RABGAP1L: variants seen among roughly 807,000 people sequenced by gnomAD.
RABGAP1L encodes rab GTPase-activating protein 1-like.
In RABGAP1L, 63 loss-of-function variants were observed where a neutral mutation model predicts 137.7. The observed-to-expected ratio is 0.46, with a 90% CI of 0.37 to 0.56. The LOEUF (loss-of-function observed/expected upper bound fraction) is 0.56. Among genes scored for constraint, RABGAP1L ranks in the 20% least tolerant of loss-of-function variants. The probability of loss-of-function intolerance (pLI) is 0.00; values close to 1 mark genes in which losing one functional copy is unlikely to be tolerated. For missense variants in RABGAP1L, 1,095 were observed against 1,244.0 expected, an observed-to-expected ratio of 0.88 and a Z score of 1.80; for synonymous variants, 431 against 433.7, an observed-to-expected ratio of 0.99 and a Z score of 0.08.
chr1:174,395,619 T>C (rs372491877), intron 13 of RABGAP1L, among the ~76,000 whole-genome samples: 1 of 152,170 alleles, frequency 6.6e-6, no homozygotes, highest in Non-Finnish European at 1.5e-5. Flanking sequence ...TTAAAACTTA[T>C]ACAAGTAGTT....
chr1:174,727,524 A>G (rs1347129623), intron 17 of RABGAP1L, among the ~76,000 whole-genome samples: 1 of 152,220 alleles, frequency 6.6e-6, no homozygotes, highest in African/African-American at 2.4e-5. Flanking sequence ...AAAAACAACT[A>G]GTAAAGATGG....
At chr1:174,313,660 G>A (rs908322163) in intron 11 of RABGAP1L, among the ~76,000 whole-genome samples, 1 of 152,078 alleles carries the variant, frequency 6.6e-6, no homozygotes, top group Non-Finnish European at 1.5e-5. Flanking sequence ...GTCATATATG[G>A]CTTTTATTAT....
At chr1:174,292,704 A>G (rs1571947373) in intron 10 of RABGAP1L, among the ~76,000 whole-genome samples, 3 of 152,218 alleles carry the variant, frequency 2.0e-5, no homozygotes, top group Admixed American at 1.3e-4. Flanking sequence ...GAGTACTTGT[A>G]AGGGATGTGT....
At chr1:174,707,295 G>C (rs1167844253) in intron 17 of RABGAP1L, among the ~76,000 whole-genome samples, 1 of 151,974 alleles carries the variant, frequency 6.6e-6, no homozygotes, top group Non-Finnish European at 1.5e-5. Context: ...CCATGAATAC[G>C]CAACAAAATG....
At chr1:174,874,427 C>T (rs147989212) in intron 19 of RABGAP1L, 1 of 982,390 alleles carries the variant, frequency 1.0e-6, no homozygotes, top group East Asian at 1.1e-4. Flanking sequence ...CTAGCTAGTT[C>T]CTGCTTGAAC....
At chr1:174,239,435 A>G (rs1671590636) in intron 4 of RABGAP1L, among the ~76,000 whole-genome samples, 1 of 152,080 alleles carries the variant, frequency 6.6e-6, no homozygotes, top group Non-Finnish European at 1.5e-5. Flanking sequence ...ACCTTGGCAT[A>G]TTATCTTTAT....
chr1:174,946,948 G>A (rs373688216), intron 19 of RABGAP1L, among the ~76,000 whole-genome samples: 2,624 of 83,588 alleles, frequency 0.031, 69 homozygotes, highest in East Asian at 0.17. Context: ...ATATGTGTGT[G>A]TGTGTGTGTG....
At chr1:174,568,690 AGT>A (rs1217380064) in intron 13 of RABGAP1L, among the ~76,000 whole-genome samples, 2 of 151,768 alleles carry the variant, frequency 1.3e-5, no homozygotes, top group African/African-American at 4.8e-5. Context: ...AGAAAGACTG[AGT>A]GTGTGTGTGT....
In RABGAP1L at chr1:174,241,490, G is replaced by C; in HGVS notation, c.550G>C (p.Asp184His). 1.3e-6 allele frequency: 2 copies of C among 1,578,150 alleles called. No individual in the cohort carries two copies. Among genetic ancestry groups the C allele is most frequent in the South Asian group, 2.4e-5 (2 of 84,502 alleles). ...NVPEGSVRII[D>H]QSSNVEIASF... ...TTCATTACTGTTCTACAGAATTATA[G>C]ACCAATCCAGCAATGTGGAGATAGC... The change falls in exon 5 of 26, where the codon GAC becomes CAC. Residue 184 changes from aspartate to histidine, a missense_variant. Around this residue, in one of 4 missense-constraint regions of RABGAP1L, gnomAD observed 356 missense variants for 326.3 expected, o/e 1.09. Transcript: ENST00000681986.
intron 13 of RABGAP1L, among the ~76,000 whole-genome samples, chr1:174,438,949 C>A (rs1156655458): frequency 6.6e-6 from 1 of 151,266 alleles, no homozygotes; most frequent in Non-Finnish European, 1.5e-5. Context: ...TATATATTGA[C>A]CTGTGTTCCG....
intron 19 of RABGAP1L, among the ~76,000 whole-genome samples, chr1:174,895,815 G>A (rs147640595): frequency 0.017 from 2,610 of 152,228 alleles, 77 homozygotes; most frequent in African/African-American, 0.059. Context: ...GTATATATGT[G>A]CCACATTTTC....
intron 13 of RABGAP1L, among the ~76,000 whole-genome samples, chr1:174,490,238 T>C (rs1296872157): frequency 6.6e-6 from 1 of 152,158 alleles, no homozygotes; most frequent in Admixed American, 6.5e-5. Context: ...GGGAAGGCTT[T>C]CCAGGAATTC....
chr1:174,264,199 T>G (rs1673844429), intron 7 of RABGAP1L, among the ~76,000 whole-genome samples: 1 of 152,124 alleles, frequency 6.6e-6, no homozygotes, highest in Non-Finnish European at 1.5e-5. Flanking sequence ...ACTCATTCTT[T>G]TTATTTCCCT....
intron 17 of RABGAP1L, among the ~76,000 whole-genome samples, chr1:174,738,523 C>T (rs11802691): frequency 0.019 from 2,838 of 152,202 alleles, 89 homozygotes; most frequent in African/African-American, 0.064. Flanking sequence ...TGTTAATACC[C>T]GTCTTAGACT....
intron 13 of RABGAP1L, among the ~76,000 whole-genome samples, chr1:174,491,587 G>A (rs1660240552): frequency 6.6e-6 from 1 of 152,082 alleles, no homozygotes. Context: ...ATTGTGTCTG[G>A]TGTCTCAGTA....
At chr1:174,985,083 G>A (rs1296084995) in intron 24 of RABGAP1L, among the ~76,000 whole-genome samples, 1 of 152,166 alleles carries the variant, frequency 6.6e-6, no homozygotes, top group Non-Finnish European at 1.5e-5. Flanking sequence ...ATGTAAACTT[G>A]TCTTAGCCAG....
At chr1:174,229,794 G>T (rs1481969383) in intron 3 of RABGAP1L, among the ~76,000 whole-genome samples, 2 of 152,126 alleles carry the variant, frequency 1.3e-5, no homozygotes, top group Non-Finnish European at 2.9e-5. Context: ...TAATGGGATG[G>T]CTGGGTCAAA....
intron 1 of RABGAP1L, among the ~76,000 whole-genome samples, chr1:174,202,609 C>G (rs1407729811): frequency 1.3e-5 from 2 of 152,226 alleles, no homozygotes; most frequent in Admixed American, 1.3e-4. Context: ...GTTGCCTGTT[C>G]ACTCTGATGG....
At chr1:174,303,831 AC>A (rs1677951504) in intron 10 of RABGAP1L, among the ~76,000 whole-genome samples, 1 of 152,188 alleles carries the variant, frequency 6.6e-6, no homozygotes, top group Non-Finnish European at 1.5e-5. Context: ...AGTTGTTTAT[AC>A]AAAACATTTG....
Sources: gnomAD v4.1 joint callset for allele counts (sites outside exome capture counted in the v4.1 genomes callset) on GRCh38, gnomAD v4.1.1 for gene constraint, gnomAD v4.1.1 regional missense constraint, MANE v1.5 for transcripts, NCBI Gene and HGNC (gene_info 2026-07-23, HGNC 2026-07-21) for gene names.